The following GLMN variants were observed in gnomAD, a reference collection of about 807,000 sequenced individuals.
GLMN encodes the protein glomulin, FKBP associated protein, also known as glomulin.
Under a neutral mutation model 87.8 loss-of-function variants are expected in GLMN, and 75 were observed. The ratio of observed to expected loss-of-function variants is 0.85; its 90% confidence interval spans 0.71 to 1.04. The LOEUF (loss-of-function observed/expected upper bound fraction) is 1.04, where lower values mean the gene tolerates loss of function less well. GLMN is among the 50% of genes least tolerant of loss of function. The pLI, the probability that GLMN is intolerant of heterozygous loss-of-function variation, is 0.00. For synonymous variants in GLMN, 206 were observed against 221.6 expected (o/e 0.93, Z 0.63); for missense variants, 588 against 658.8 (o/e 0.89, Z 1.18).
chr1:92,271,879 C>T (rs576305269), intron 7 of GLMN, among the ~76,000 whole-genome samples: 1 of 152,238 alleles, frequency 6.6e-6, no homozygotes, highest in African/African-American at 2.4e-5. Context: ...TAATTAAGGT[C>T]CCAAATCAGT....
the GLMN span, among the ~76,000 whole-genome samples, chr1:92,304,633 A>C: frequency 2.0e-5 from 3 of 152,264 alleles, no homozygotes; most frequent in Admixed American, 6.5e-5. Context: ...CAGAATAGAG[A>C]GTCAGCAGCA....
upstream of GLMN, among the ~76,000 whole-genome samples, chr1:92,299,398 G>A (rs181835007): frequency 3.2e-3 from 493 of 152,206 alleles, 12 homozygotes; most frequent in Admixed American, 0.031. Context: ...TGAGACAAAG[G>A]ACAGTGGAGG....
the GLMN span, among the ~76,000 whole-genome samples, chr1:92,366,400 A>G: frequency 6.6e-6 from 1 of 152,208 alleles, no homozygotes; most frequent in Non-Finnish European, 1.5e-5. Context: ...CAACATCAAT[A>G]ACAGCAGTTT....
intron 11 of GLMN, 29 bp from the exon 12 acceptor site, chr1:92,266,770 T>G (rs776247053): frequency 1.3e-6 from 2 of 1,492,104 alleles, no homozygotes; most frequent in Admixed American, 1.7e-5. Context: ...AAAATTCAGA[T>G]GTAAACAGAT....
the GLMN span, among the ~76,000 whole-genome samples, chr1:92,313,959 C>T: frequency 4.6e-5 from 7 of 152,204 alleles, no homozygotes; most frequent in African/African-American, 1.4e-4. Context: ...AGCTTCCTCA[C>T]CTCTCTCAGT....
chr1:92,346,374 G>C, the GLMN span, among the ~76,000 whole-genome samples: 13 of 152,000 alleles, frequency 8.6e-5, no homozygotes, highest in African/African-American at 3.1e-4. Context: ...ATATTGCCCA[G>C]GCTGGTCTTG....
At chr1:92,284,365 T>C (rs1418861807) in intron 7 of GLMN, among the ~76,000 whole-genome samples, 2 of 152,130 alleles carry the variant, frequency 1.3e-5, no homozygotes. Flanking sequence ...AAACAAGCAA[T>C]GGGGAAAGGA....
the GLMN span, chr1:92,336,517 C>A: frequency 1.2e-6 from 1 of 836,062 alleles, no homozygotes; most frequent in Non-Finnish European, 2.0e-6. Flanking sequence ...AAGTAAGTGA[C>A]TTACCTTTCA....
intron 14 of GLMN, among the ~76,000 whole-genome samples, chr1:92,264,196 C>T (rs565103689): frequency 1.1e-4 from 16 of 152,026 alleles, no homozygotes; most frequent in Middle Eastern, 3.4e-3. Context: ...ACCTGTAGTC[C>T]CAATTACTCG....
chr1:92,315,128 T>G, the GLMN span, among the ~76,000 whole-genome samples: 1 of 151,980 alleles, frequency 6.6e-6, no homozygotes, highest in Non-Finnish European at 1.5e-5. Context: ...AAAAAAAATT[T>G]AAAGGAAAAG....
At chr1:92,287,209 T>G (rs1358323965) in intron 6 of GLMN, among the ~76,000 whole-genome samples, 2 of 152,140 alleles carry the variant, frequency 1.3e-5, no homozygotes, top group African/African-American at 4.8e-5. Flanking sequence ...AAAGAAAAAA[T>G]CAAGAAATAC....
the GLMN span, among the ~76,000 whole-genome samples, chr1:92,354,421 C>A: frequency 2.0e-5 from 3 of 152,314 alleles, no homozygotes; most frequent in South Asian, 2.1e-4. Flanking sequence ...TTCTATAGAT[C>A]TGTCACAAAC....
At chr1:92,275,946 G>A (rs767352058) in intron 7 of GLMN, among the ~76,000 whole-genome samples, 1 of 152,132 alleles carries the variant, frequency 6.6e-6, no homozygotes, top group Non-Finnish European at 1.5e-5. Flanking sequence ...TCCTGGCCAG[G>A]TATGGTGGCT....
the GLMN span, among the ~76,000 whole-genome samples, chr1:92,341,363 A>C: frequency 6.6e-6 from 1 of 152,098 alleles, no homozygotes; most frequent in African/African-American, 2.4e-5. Flanking sequence ...TCCCTTTTGA[A>C]TTGTCACTCA....
At chr1:92,339,972 C>T in the GLMN span, among the ~76,000 whole-genome samples, 1 of 152,102 alleles carries the variant, frequency 6.6e-6, no homozygotes, top group Non-Finnish European at 1.5e-5. Context: ...ACAGAAGAAA[C>T]ATGATTAGCT....
chr1:92,310,788 T>A, the GLMN span, among the ~76,000 whole-genome samples: 6 of 151,924 alleles, frequency 3.9e-5, no homozygotes, highest in African/African-American at 1.5e-4. Flanking sequence ...CCCCAGCTAC[T>A]TGGGAGGCTG....
the GLMN span, among the ~76,000 whole-genome samples, chr1:92,313,973 C>T: frequency 6.6e-6 from 1 of 152,198 alleles, no homozygotes; most frequent in Non-Finnish European, 1.5e-5. Flanking sequence ...TCTCAGTCTT[C>T]ACAGAATTGA....
At chr1:92,299,154 C>A, upstream of GLMN, 1 of 1,496,440 alleles carries the variant, frequency 6.7e-7, no homozygotes, top group Non-Finnish European at 9.0e-7. Context: ...CAGGTAGGAG[C>A]AAGGATCTCT....
intron 6 of GLMN, among the ~76,000 whole-genome samples, chr1:92,288,035 TG>T (rs1648973471): frequency 1.4e-5 from 2 of 143,756 alleles, no homozygotes; most frequent in African/African-American, 2.8e-5. Context: ...GGTATTTTAC[TG>T]TTTTTTTTTT....
Sources: allele counts gnomAD v4.1 joint callset (sites outside exome capture counted in the v4.1 genomes callset), GRCh38; gene constraint gnomAD v4.1.1; transcripts MANE v1.5; gene names NCBI Gene and HGNC (gene_info 2026-07-23, HGNC 2026-07-21).